Variants in ALAS1 observed in about 807,000 individuals in gnomAD.
The protein encoded by ALAS1 is 5-aminolevulinate synthase, non-specific, mitochondrial.
ALAS1 carries 29 observed loss-of-function variants against 59.6 expected under a neutral mutation model. That is an observed-to-expected ratio of 0.49 (90% CI 0.36 to 0.66). The LOEUF is 0.66. Ranked by LOEUF, ALAS1 falls within the 30% of genes least tolerant of loss-of-function variation. ALAS1 has a pLI of 0.00. For missense variants in ALAS1, 690 were observed against 807.5 expected (o/e 0.85, Z 1.76); for synonymous variants, 299 against 296.6 (o/e 1.01, Z -0.08).
At chr3:52,204,343 A>G (rs1325241533) in intron 5 of ALAS1, among the ~76,000 whole-genome samples, 1 of 152,222 alleles carries the variant, frequency 6.6e-6, no homozygotes, top group Admixed American at 6.5e-5. Context: ...TGATCACGCT[A>G]TTGCACTCCA....
rs1174523262 is a variant in ALAS1 at position 52,214,226 on chromosome 3, C to T, written c.*46C>T. The T allele has an allele frequency of 6.0e-6, 9 of 1,510,274 alleles. No homozygotes were observed. Among genetic ancestry groups the T allele is most frequent in the Non-Finnish European group, 7.2e-6 (8 of 1,109,690 alleles). The allele number at this position is 1,510,274 out of a possible 1,614,324, so 93.6% of individuals were successfully genotyped here. On this transcript the variant is annotated 3_prime_UTR_variant, in exon 12 of 12. Transcript: ENST00000484952. ...CTTAACCCCAGGCCATTATCATATC[C>T]AGATGGTCTTCAGAGTTGTCTTTAT...
At position 52,206,838 on chromosome 3, in the gene ALAS1, T is replaced by TG; in HGVS notation, c.1165+87_1165+88insG. On this transcript the variant is annotated intron_variant, in intron 8 of 11. Coordinates refer to ENST00000484952, the MANE Select transcript of ALAS1 (RefSeq NM_000688.6). ...AAGTATGGTGTTTTGTTGTGTTTTT[T>TG]AATTTTTTTTTTTTGTGACCGATCC... 2.7e-6 allele frequency: 4 copies of TG among 1,468,104 alleles called. No homozygotes were observed. The East Asian group carries it at 9.2e-5, about 34-fold the overall frequency. The allele number at this position is 1,468,104 out of a possible 1,614,324, so 90.9% of individuals were successfully genotyped here.
Position 52,211,268 on chromosome 3 carries a change from G to T in ALAS1, c.1331-15G>T, listed in dbSNP as rs1166909077. On this transcript the variant is annotated splice_polypyrimidine_tract_variant and intron_variant, in intron 9 of 11. Coordinates refer to ENST00000484952, the MANE Select transcript of ALAS1 (RefSeq NM_000688.6). ...TACAGCTGTTGCTGTAATTAATGAA[G>T]CTATCTCCTCCCAGGCAAAGCCTTT... The T allele has an allele frequency of 1.2e-6, 2 of 1,609,164 alleles. No homozygotes were observed. The highest frequency in any genetic ancestry group is 1.7e-6 in the Non-Finnish European group (2 of 1,176,470).
intron 4 of ALAS1, among the ~76,000 whole-genome samples, 190 bp from the exon 5 acceptor site, chr3:52,203,673 A>G (rs995990510): frequency 2.6e-5 from 4 of 152,224 alleles, no homozygotes; most frequent in Non-Finnish European, 4.4e-5. Context: ...TGAAAACAAC[A>G]CCAAGAGTCT....
chr3:52,198,684 C>A lies in ALAS1; in HGVS notation c.-197C>A. The A allele has an allele frequency of 2.1e-6, 2 of 948,862 alleles. No homozygotes were observed. Among genetic ancestry groups the A allele is most frequent in the Non-Finnish European group, 3.2e-6 (2 of 621,000 alleles). The allele number at this position is 948,862 out of a possible 1,614,324, so 58.8% of individuals were successfully genotyped here. A position where few individuals can be genotyped will look rare whatever the true frequency, so the allele number is the denominator to read the frequency against. On this transcript the variant is annotated 5_prime_UTR_variant, in exon 2 of 12. Transcript: ENST00000484952. ...CCTCCTTTCTCAGTTATGCCCAGTT[C>A]TTCCCGCTGTGGGGACACGACCACG...
At chr3:52,212,486 A>G in intron 11 of ALAS1, 66 bp downstream of exon 11, 1 of 1,585,690 alleles carries the variant, frequency 6.3e-7, no homozygotes. Flanking sequence ...TGCAGTGTTT[A>G]TAATTGAAGC....
At chr3:52,210,245 G>C (rs1699378207) in intron 9 of ALAS1, among the ~76,000 whole-genome samples, 2 of 152,206 alleles carry the variant, frequency 1.3e-5, no homozygotes, top group African/African-American at 4.8e-5. Flanking sequence ...ATGCAGTGCA[G>C]ACATGGGGAG....
intron 9 of ALAS1, among the ~76,000 whole-genome samples, chr3:52,210,890 T>C (rs745833372): frequency 2.0e-5 from 3 of 152,210 alleles, no homozygotes; most frequent in Non-Finnish European, 4.4e-5. Flanking sequence ...GCAAACACCA[T>C]AGAGTGTACT....
rs1276399424 is a variant in ALAS1, at chr3:52,204,764, C to T, written c.649C>T (p.Arg217Ter). The T allele has an allele frequency of 1.7e-5, 27 of 1,614,038 alleles. No homozygotes were observed. In the Admixed American group the frequency reaches 4.3e-4, roughly 26 times the overall value. ...IDEKKNDHTY[R>*]VFKTVNRRAH... ...TGAGAAAAAGAATGACCACACCTATCGAGTTTTTAAAACTGTGAACCGGCG... is the reference window on the plus strand; with the variant it reads ...TGAGAAAAAGAATGACCACACCTATTGAGTTTTTAAAACTGTGAACCGGCG... The change falls in exon 6 of 12, where the codon CGA (arginine) becomes TGA (stop). Residue 217 changes from arginine (R) to a stop codon, truncating the protein, a stop_gained. Coordinates refer to ENST00000484952, the MANE Select transcript of ALAS1 (RefSeq NM_000688.6). LOFTEE classifies it high-confidence loss of function.
In ALAS1 at chr3:52,211,533, C is replaced by T. The variant is rs1699409269; in HGVS notation, c.1581C>T (p.Ser527=). ...DAGLPVVHCP[S]HIIPVRVADA... is the part of the protein sequence containing the mutation. ...GCCTCCCTGTTGTCCACTGCCCCAG[C>T]CACATCATCCCTGTGCGGGTAATGG... The change falls in exon 10 of 12, where the codon AGC becomes AGT. Residue 527 remains serine (S), a synonymous_variant. Coordinates refer to ENST00000484952, the MANE Select transcript of ALAS1 (RefSeq NM_000688.6). The T allele has an allele frequency of 6.2e-7, 1 of 1,614,184 alleles. No individual in the cohort carries two copies. Among genetic ancestry groups the T allele is most frequent in the Non-Finnish European group, 8.5e-7 (1 of 1,179,986 alleles).
intron 4 of ALAS1, among the ~76,000 whole-genome samples, 179 bp downstream of exon 4, chr3:52,202,913 G>T (rs1350828229): frequency 6.6e-6 from 1 of 152,172 alleles, no homozygotes; most frequent in Non-Finnish European, 1.5e-5. Context: ...GCGAAAGTGG[G>T]ACTTTCTTTC....
chr3:52,212,521 T>G (rs1699433079), intron 11 of ALAS1, 101 bp downstream of exon 11: 1 of 1,467,672 alleles, frequency 6.8e-7, no homozygotes, highest in Middle Eastern at 2.4e-4. Flanking sequence ...CAGATTTGTT[T>G]CTTCTTCTTT....
At position 52,208,438 on chromosome 3, in the gene ALAS1, C is replaced by G. The variant is rs147777160; in HGVS notation, c.1330+191C>G. The stretch of plus-strand genomic sequence containing the variant: ...ATGGCTCTTAGAATCAAAGTAAATC[C>G]CACAGCCTAACACACTGATAGACCA... On this transcript the variant is annotated intron_variant, in intron 9 of 11. Transcript: ENST00000484952. Among the ~76,000 whole-genome samples the G allele has an allele frequency of 3.4e-3, 513 of 152,296 alleles. 3 individuals are homozygous for G. Among genetic ancestry groups the G allele is most frequent in the African/African-American group, 0.011 (464 of 41,548 alleles).
chr3:52,203,412 A>G (rs1250431288), intron 4 of ALAS1, among the ~76,000 whole-genome samples: 1 of 152,142 alleles, frequency 6.6e-6, no homozygotes, highest in Non-Finnish European at 1.5e-5. Flanking sequence ...ATGATGGCGC[A>G]TGCCTATAGT....
chr3:52,203,881 C>T lies in ALAS1; in HGVS notation c.446C>T (p.Ala149Val). Reference protein sequence around the residue: ...AVRKEVAETSAGPSVVSVKTD... With the variant: ...AVRKEVAETSVGPSVVSVKTD... ...GTTCCAGAGGTTGCTGAAACCTCAG[C>T]AGGCCCCAGTGTGGTTAGTGTGAAA... The change falls in exon 5 of 12, where the codon GCA becomes GTA. Residue 149 changes from alanine (A) to valine (V), a missense_variant. Ala to Val is a moderately conservative substitution (Grantham distance 64). Transcript: ENST00000484952. The T allele has an allele frequency of 1.3e-6, 2 of 1,595,872 alleles. No homozygotes were observed.
rs1401026917 is a variant in ALAS1 at position 52,202,696 on chromosome 3, T to G, written c.389T>G (p.Leu130Arg). ...GTCTTCTGCAAAGCCAGTCTTGAGC[T>G]TCAGGAGGATGTGCAGGAAATGAAT... ...SSVFCKASLE[L>R]QEDVQEMNAV... is the part of the protein sequence containing the mutation. Residue 130 changes from leucine to arginine, a missense_variant, in exon 4 of 12, where the codon CTT (leucine) becomes CGT (arginine). Leu to Arg is a moderately radical substitution (Grantham distance 102, BLOSUM62 -2). Coordinates refer to ENST00000484952, the MANE Select transcript of ALAS1 (RefSeq NM_000688.6). The G allele has an allele frequency of 6.2e-7, 1 of 1,614,076 alleles. No homozygotes were observed. Among genetic ancestry groups the G allele is most frequent in the Non-Finnish European group, 8.5e-7 (1 of 1,180,014 alleles).
intron 9 of ALAS1, among the ~76,000 whole-genome samples, chr3:52,209,594 C>T (rs1699364998): frequency 6.6e-6 from 1 of 152,188 alleles, no homozygotes; most frequent in Admixed American, 6.5e-5. Flanking sequence ...GAGAGAGAAA[C>T]TTTATACCAT....
rs750459005 is a variant in ALAS1, at chr3:52,199,325, C to T, written c.84C>T (p.Phe28=). Residue 28 remains phenylalanine, a synonymous_variant, in exon 3 of 12, where the codon TTC becomes TTT. Coordinates refer to ENST00000484952, the MANE Select transcript of ALAS1 (RefSeq NM_000688.6). ...AGAAAGCAGGCAAATCTCTGTTGTT[C>T]TATGCCCAAAACTGCCCCAAGATGA... ...FLQKAGKSLL[F]YAQNCPKMME... The T allele has an allele frequency of 1.2e-6, 2 of 1,614,090 alleles. No individual in the cohort carries two copies. Among genetic ancestry groups the T allele is most frequent in the African/African-American group, 2.7e-5 (2 of 74,932 alleles).
rs1332471788 is a variant in ALAS1, at chr3:52,205,895, C to G, written c.857C>G (p.Thr286Ser). Reference protein sequence around the residue: ...GAGGTRNISGTSKFHVDLERE... With the variant: ...GAGGTRNISGSSKFHVDLERE... ...GGTGGTACTAGAAATATTTCTGGAA[C>G]TAGTAAATTCCATGTGGACTTAGAG... The change falls in exon 7 of 12, where the codon ACT (threonine) becomes AGT (serine). Residue 286 changes from threonine to serine, a missense_variant. Coordinates refer to ENST00000484952, the MANE Select transcript of ALAS1 (RefSeq NM_000688.6). The G allele has an allele frequency of 6.2e-7, 1 of 1,614,096 alleles. No individual in the cohort carries two copies. The highest frequency in any genetic ancestry group is 2.2e-5 in the East Asian group (1 of 44,888).
Sources: gnomAD v4.1 joint callset for allele counts (sites outside exome capture counted in the v4.1 genomes callset) on GRCh38, gnomAD v4.1.1 for gene constraint, MANE v1.5 for transcripts, NCBI Gene and HGNC (gene_info 2026-07-23, HGNC 2026-07-21) for gene names.